FBXO16: variants seen among roughly 807,000 people sequenced by gnomAD.
FBXO16 encodes the protein F-box protein 16, also known as F-box only protein 16.
A neutral mutation model predicts 41.0 loss-of-function variants in FBXO16; 31 were observed. The observed-to-expected ratio is 0.76, with a 90% confidence interval of 0.57 to 1.02. The LOEUF (loss-of-function observed/expected upper bound fraction) is 1.02. Among genes scored for constraint, FBXO16 ranks in the 50% least tolerant of loss-of-function variants. The probability of loss-of-function intolerance (pLI) is 0.00; values close to 1 mark genes in which losing one functional copy is unlikely to be tolerated. For synonymous variants in FBXO16, 133 were observed against 117.8 expected (o/e 1.13, Z -0.84); for missense variants, 361 against 346.2 (o/e 1.04, Z -0.34).
chr8:28,468,281 A>G (rs1175932017), intron 3 of FBXO16, among the ~76,000 whole-genome samples: 2 of 152,162 alleles, frequency 1.3e-5, no homozygotes, highest in Non-Finnish European at 2.9e-5. Flanking sequence ...TCTTGACTCA[A>G]TATAACTATG....
rs537269816 is a variant in FBXO16 at position 28,488,679 on chromosome 8, C to T, written c.-17+1507G>A. 2.6e-5 allele frequency among the ~76,000 whole-genome samples: 4 copies of T among 152,216 alleles called. No individual in the cohort carries two copies. The South Asian group carries it at 6.2e-4, about 24-fold the overall frequency. On this transcript the variant is annotated intron_variant, in intron 1 of 8. Transcript: ENST00000380254. ...TACAAGGCAGGTGTTAGGGGTACAA[C>T]GATAAGAGTCTGCTTTAATGGAGCT...
chr8:28,432,907 G>T (rs1802629298), intron 7 of FBXO16, among the ~76,000 whole-genome samples: 1 of 151,466 alleles, frequency 6.6e-6, no homozygotes. Flanking sequence ...AAATACCAAA[G>T]AAATTTAGCG....
At chr8:28,469,468 A>C (rs1297317778) in intron 3 of FBXO16, among the ~76,000 whole-genome samples, 1 of 152,102 alleles carries the variant, frequency 6.6e-6, no homozygotes, top group African/African-American at 2.4e-5. Context: ...ATTAGCTGGG[A>C]CTTGAGGCAT....
chr8:28,461,029 G>A (rs1034950054), intron 4 of FBXO16, among the ~76,000 whole-genome samples: 1 of 151,798 alleles, frequency 6.6e-6, no homozygotes, highest in African/African-American at 2.4e-5. Context: ...CACTGTGCCT[G>A]GCCGTATATA....
At chr8:28,468,001 T>C (rs1261245116) in intron 3 of FBXO16, among the ~76,000 whole-genome samples, 1 of 152,188 alleles carries the variant, frequency 6.6e-6, no homozygotes, top group Non-Finnish European at 1.5e-5. Context: ...AGAAGAATGC[T>C]GAACAGTAGG....
At chr8:28,463,172 GTGTGTGTATA>G (rs1803165904) in intron 4 of FBXO16, among the ~76,000 whole-genome samples, 1 of 151,834 alleles carries the variant, frequency 6.6e-6, no homozygotes, top group Non-Finnish European at 1.5e-5. Flanking sequence ...ATGTGTGTTT[GTGTGTGTATA>G]TGTGTGTATG....
At chr8:28,432,905 A>C (rs1367631102) in intron 7 of FBXO16, among the ~76,000 whole-genome samples, 2 of 151,768 alleles carry the variant, frequency 1.3e-5, no homozygotes, top group African/African-American at 4.8e-5. Context: ...AAAAATACCA[A>C]AGAAATTTAG....
chr8:28,444,981 G>A (rs1255587260), intron 7 of FBXO16, among the ~76,000 whole-genome samples: 2 of 151,750 alleles, frequency 1.3e-5, no homozygotes, highest in African/African-American at 4.8e-5. Context: ...GCCGATGAGG[G>A]CAAACTACCA....
chr8:28,448,381 A>G (rs933385801), intron 6 of FBXO16, among the ~76,000 whole-genome samples: 3 of 151,866 alleles, frequency 2.0e-5, no homozygotes, highest in Admixed American at 2.0e-4. Context: ...AAGAAAAGAA[A>G]AAAAAGGAAC....
chr8:28,463,508 G>T, intron 4 of FBXO16, 104 bp downstream of exon 4: 1 of 945,268 alleles, frequency 1.1e-6, no homozygotes. Context: ...GTGTATATAT[G>T]TGTGTGTGTG....
rs572520946 is a variant in FBXO16 at position 28,461,874 on chromosome 8, T to C, written c.342+1738A>G. On this transcript the variant is annotated intron_variant, in intron 4 of 8. Transcript: ENST00000380254. Reference sequence around the variant, plus strand: ...TTTAATAGTTTCCTTTGGTTTTATCTGTCTTTTATCCTACTGAAATTTTTT... The same window carrying C: ...TTTAATAGTTTCCTTTGGTTTTATCCGTCTTTTATCCTACTGAAATTTTTT... Among the ~76,000 whole-genome samples the C allele has an allele frequency of 4.6e-5, 7 of 151,708 alleles. No homozygotes were observed. The South Asian group carries it at 1.5e-3, about 32-fold the overall frequency.
chr8:28,448,789 C>G (rs1470826066), intron 6 of FBXO16, among the ~76,000 whole-genome samples: 1 of 152,190 alleles, frequency 6.6e-6, no homozygotes, highest in Non-Finnish European at 1.5e-5. Context: ...CTCAATCCAG[C>G]CTGCTGCCTA....
rs752301917 is a variant in FBXO16, at chr8:28,463,726, C to G, written c.228G>C (p.Lys76Asn). 5 of 1,614,102 alleles carry G rather than the reference C, an allele frequency of 3.1e-6. No homozygotes were observed. In the African/African-American group the frequency reaches 4.0e-5, roughly 13 times the overall value. Reference sequence around the variant, plus strand: ...CTTCTGCTGGAATTTTCTCTTGAAGCTTTCGACAGCAGAACTTTTGCTGGG... The same window carrying G: ...CTTCTGCTGGAATTTTCTCTTGAAGGTTTCGACAGCAGAACTTTTGCTGGG... ...SLSQQKFCCR[K>N]LQEKIPAEAL... The change falls in exon 4 of 9, where the codon AAG becomes AAC. Residue 76 changes from lysine (K) to asparagine (N), a missense_variant. By Grantham distance (94) the Lys-to-Asn change is moderately conservative. Coordinates refer to ENST00000380254, the MANE Select transcript of FBXO16 (RefSeq NM_172366.4).
Position 28,473,794 on chromosome 8 carries a change from C to T in FBXO16, c.113G>A (p.Arg38Lys), listed in dbSNP as rs1803374541. Residue 38 changes from arginine to lysine, a missense_variant, in exon 3 of 9, where the codon AGA (arginine) becomes AAA (lysine). Arg to Lys is a conservative substitution (Grantham distance 26). Transcript: ENST00000380254. Reference protein sequence around the residue: ...QLLNDRVFEERRALLGKWFDK... With the variant: ...QLLNDRVFEEKRALLGKWFDK... Reference sequence around the variant, plus strand: ...TACCCATTTGCCAAGCAGGGCTCTTCTTTCTTCAAATACCTACAGTAAGTA... The same window carrying T: ...TACCCATTTGCCAAGCAGGGCTCTTTTTTCTTCAAATACCTACAGTAAGTA... The T allele has an allele frequency of 6.2e-7, 1 of 1,604,006 alleles. No individual in the cohort carries two copies. The highest frequency in any genetic ancestry group is 8.5e-7 in the Non-Finnish European group (1 of 1,173,164).
chr8:28,431,643 T>C (rs544634144), intron 7 of FBXO16, among the ~76,000 whole-genome samples: 23 of 152,290 alleles, frequency 1.5e-4, no homozygotes, highest in Non-Finnish European at 3.1e-4. Context: ...AGAAGCATCT[T>C]AGCGGGCTAA....
At chr8:28,444,333 T>C (rs1413139672) in intron 7 of FBXO16, among the ~76,000 whole-genome samples, 2 of 149,440 alleles carry the variant, frequency 1.3e-5, no homozygotes, top group Non-Finnish European at 3.0e-5. Flanking sequence ...GACGGAGTCT[T>C]GCTCTGTCAC....
At chr8:28,470,311 T>C (rs1263330216) in intron 3 of FBXO16, among the ~76,000 whole-genome samples, 1 of 152,218 alleles carries the variant, frequency 6.6e-6, no homozygotes, top group Non-Finnish European at 1.5e-5. Flanking sequence ...CATAGCAGGA[T>C]GAATATGGCA....
intron 1 of FBXO16, among the ~76,000 whole-genome samples, chr8:28,484,156 A>G (rs1461560831): frequency 1.3e-5 from 2 of 152,222 alleles, no homozygotes; most frequent in East Asian, 3.8e-4. Flanking sequence ...AGCTAAGGAC[A>G]TACTATATTG....
intron 2 of FBXO16, among the ~76,000 whole-genome samples, chr8:28,475,781 C>T (rs1403632940): frequency 1.3e-5 from 2 of 152,184 alleles, no homozygotes; most frequent in Non-Finnish European, 2.9e-5. Flanking sequence ...ATGGAAGGCC[C>T]TCAATAAACC....
Sources: gnomAD v4.1 joint callset for allele counts (sites outside exome capture counted in the v4.1 genomes callset) on GRCh38, gnomAD v4.1.1 for gene constraint, MANE v1.5 for transcripts, NCBI Gene and HGNC (gene_info 2026-07-23, HGNC 2026-07-21) for gene names.